The following SHANK2 variants were observed in gnomAD, a reference collection of about 807,000 sequenced individuals.
SHANK2 encodes the protein SH3 and multiple ankyrin repeat domains 2.
Under a neutral mutation model 133.7 loss-of-function variants are expected in SHANK2, and 43 were observed. The observed-to-expected ratio is 0.32, with a 90% CI of 0.25 to 0.41. The LOEUF is 0.41. Ranked by LOEUF, SHANK2 falls within the 10% of genes least tolerant of loss-of-function variation. The pLI, the probability that SHANK2 is intolerant of heterozygous loss-of-function variation, is 1.00. For synonymous variants in SHANK2, 1,017 were observed against 952.8 expected (o/e 1.07, Z -1.24); for missense variants, 1,994 against 2,235.8 (o/e 0.89, Z 2.18).
chr11:70,604,946 TGA>T (rs1316318193), intron 17 of SHANK2: 1 of 152,772 alleles, frequency 6.5e-6, no homozygotes, highest in African/African-American at 2.4e-5. Flanking sequence ...GGGCAGCGTG[TGA>T]GTCACAAGGC....
At chr11:70,862,586 A>G (rs2135508079) in intron 11 of SHANK2, among the ~76,000 whole-genome samples, 1 of 151,520 alleles carries the variant, frequency 6.6e-6, no homozygotes, top group East Asian at 1.9e-4. Context: ...GGACGGGCTG[A>G]TGGACTGGAC....
chr11:70,619,267 A>G (rs2060798385), intron 17 of SHANK2, among the ~76,000 whole-genome samples: 1 of 152,260 alleles, frequency 6.6e-6, no homozygotes, highest in Admixed American at 6.5e-5. Flanking sequence ...GGGCCAACCC[A>G]GGGCTCAGGA....
rs1223885393 is a variant in SHANK2, at chr11:71,175,470, A to T, written c.-12-28132T>A. On this transcript the variant is annotated intron_variant, in intron 2 of 25. Transcript: ENST00000601538. This position sits in a 1 kb window ranked among gnomAD's most constrained non-coding sequence, Gnocchi z 4.2. ...GGGAGAGGAGGGGGAGAAATAGACC[A>T]AGGCTGGTGAAAGAGAAGTGGGGAC... is the stretch of plus-strand genomic sequence containing the variant. 6.6e-6 allele frequency among the ~76,000 whole-genome samples: 1 copy of T among 150,768 alleles called. No homozygotes were observed. Among genetic ancestry groups the T allele is most frequent in the Non-Finnish European group, 1.5e-5 (1 of 67,722 alleles).
In SHANK2 at chr11:70,542,794, C is replaced by T. The variant is rs72639105; in HGVS notation, c.2062-39863G>A. 9.6e-3 allele frequency among the ~76,000 whole-genome samples: 1,461 copies of T among 152,274 alleles called. 70 individuals are homozygous for T. The East Asian group carries it at 0.15, about 16-fold the overall frequency. ...ACGCAGCTTCCTGCCTGTACCCTGG[C>T]GGGGTTTCCAATGGGCCTCCTAACT... On this transcript the variant is annotated intron_variant, in intron 17 of 25. Transcript: ENST00000601538.
chr11:70,854,869 C>T (rs1949143916), intron 11 of SHANK2, among the ~76,000 whole-genome samples: 1 of 152,242 alleles, frequency 6.6e-6, no homozygotes, highest in Non-Finnish European at 1.5e-5. Context: ...GGACTAGGCA[C>T]TGGTCTCCCT....
intron 11 of SHANK2, among the ~76,000 whole-genome samples, chr11:70,821,258 C>T (rs567176145): frequency 1.1e-4 from 17 of 152,150 alleles, no homozygotes; most frequent in South Asian, 4.2e-4. Context: ...TAAGAAGAGG[C>T]GATGAGGACA....
chr11:70,786,498 C>T (rs1312173478), intron 14 of SHANK2, among the ~76,000 whole-genome samples: 1 of 152,136 alleles, frequency 6.6e-6, no homozygotes, highest in African/African-American at 2.4e-5. Context: ...ACTTTTATAC[C>T]TTTACATTCT....
At chr11:70,695,602 C>T (rs67673319) in intron 15 of SHANK2, among the ~76,000 whole-genome samples, 19,825 of 152,250 alleles carry the variant, frequency 0.13, 1,706 homozygotes, top group Non-Finnish European at 0.18. Context: ...GAGGGTGGGG[C>T]CTGAATGCCA....
At chr11:70,626,515 T>C (rs1368021553) in intron 17 of SHANK2, among the ~76,000 whole-genome samples, 4 of 152,088 alleles carry the variant, frequency 2.6e-5, no homozygotes, top group African/African-American at 9.7e-5. Flanking sequence ...ACAAAGCCCA[T>C]TGGACTGCAG....
At chr11:71,221,805 G>A (rs1476252520) in intron 2 of SHANK2, among the ~76,000 whole-genome samples, 1 of 152,168 alleles carries the variant, frequency 6.6e-6, no homozygotes, top group East Asian at 1.9e-4. Context: ...CAGGATGTCT[G>A]CAGGTGCCTA....
chr11:70,793,085 G>A (rs11821634), intron 14 of SHANK2, among the ~76,000 whole-genome samples: 27,397 of 152,026 alleles, frequency 0.18, 2,800 homozygotes, highest in African/African-American at 0.25. Context: ...AAGCACTAAC[G>A]TGGAAGAAAA....
At chr11:70,644,246 C>A (rs1207439506) in intron 17 of SHANK2, among the ~76,000 whole-genome samples, 1 of 152,132 alleles carries the variant, frequency 6.6e-6, no homozygotes, top group Admixed American at 6.5e-5. Context: ...ACAGTGTGTG[C>A]AGCCATCACC....
intron 2 of SHANK2, among the ~76,000 whole-genome samples, chr11:71,151,025 T>C (rs1330627555): frequency 1.3e-5 from 2 of 152,080 alleles, no homozygotes; most frequent in African/African-American, 4.8e-5. Context: ...CACCGAGCCG[T>C]GTGGCCCTCT....
chr11:70,483,258 T>C (rs903057786), intron 25 of SHANK2, among the ~76,000 whole-genome samples: 1 of 152,200 alleles, frequency 6.6e-6, no homozygotes, highest in African/African-American at 2.4e-5. Context: ...TGCTCCCCAG[T>C]TGTCATAAAA....
At chr11:70,860,528 G>A (rs1555067619) in intron 11 of SHANK2, among the ~76,000 whole-genome samples, 1 of 152,220 alleles carries the variant, frequency 6.6e-6, no homozygotes, top group Non-Finnish European at 1.5e-5. Flanking sequence ...TGTGCAGTGG[G>A]AGACTGCGAG....
intron 3 of SHANK2, among the ~76,000 whole-genome samples, chr11:71,143,194 C>T (rs1565476030): frequency 6.6e-6 from 1 of 152,112 alleles, no homozygotes; most frequent in Non-Finnish European, 1.5e-5. Flanking sequence ...GAAATCACGC[C>T]ACTGCACACC....
chr11:70,558,175 T>C (rs2136115000), intron 17 of SHANK2, among the ~76,000 whole-genome samples: 1 of 152,088 alleles, frequency 6.6e-6, no homozygotes, highest in African/African-American at 2.4e-5. Flanking sequence ...TATCTGGAGG[T>C]GTGCGAGGGG....
intron 1 of SHANK2, among the ~76,000 whole-genome samples, chr11:71,232,078 A>G (rs1954750667): frequency 6.6e-6 from 1 of 152,138 alleles, no homozygotes; most frequent in Admixed American, 6.6e-5. Context: ...GACCTGGGTG[A>G]CTCTCTAGAA....
At chr11:71,121,725 C>T (rs192022379) in intron 3 of SHANK2, among the ~76,000 whole-genome samples, 162 of 152,260 alleles carry the variant, frequency 1.1e-3, no homozygotes, top group African/African-American at 3.9e-3. Flanking sequence ...TTTAATCCAT[C>T]GTGAATTAAT....
Sources: gnomAD v4.1 joint callset for allele counts (sites outside exome capture counted in the v4.1 genomes callset) on GRCh38, gnomAD v4.1.1 for gene constraint, Gnocchi (gnomAD v3.1) non-coding constraint, MANE v1.5 for transcripts, NCBI Gene and HGNC (gene_info 2026-07-23, HGNC 2026-07-21) for gene names.